Variants in ZDHHC23 observed in about 807,000 individuals in gnomAD.
ZDHHC23 encodes the protein palmitoyltransferase ZDHHC23.
A neutral mutation model predicts 40.2 loss-of-function variants in ZDHHC23; 41 were observed. The observed-to-expected ratio is 1.02, with a 90% confidence interval of 0.79 to 1.32. The LOEUF (loss-of-function observed/expected upper bound fraction) is 1.32, where lower values mean the gene tolerates loss of function less well. Among genes scored for constraint, ZDHHC23 ranks in the 40% most tolerant of loss-of-function variants. The pLI is 0.00. For synonymous variants in ZDHHC23, 204 were observed against 210.2 expected (o/e 0.97, Z 0.26); for missense variants, 471 against 541.5 (o/e 0.87, Z 1.29).
chr3:113,950,205 A>T (rs1938532153), intron 2 of ZDHHC23, among the ~76,000 whole-genome samples: 1 of 152,220 alleles, frequency 6.6e-6, no homozygotes, highest in South Asian at 2.1e-4. Flanking sequence ...TACCTTTAAA[A>T]ATTGTCTAAA....
chr3:113,948,995 C>T, intron 2 of ZDHHC23, 32 bp downstream of exon 2: 1 of 1,612,436 alleles, frequency 6.2e-7, no homozygotes, highest in Non-Finnish European at 8.5e-7. Flanking sequence ...ACGCTGGCCC[C>T]ATCACCCTTC....
rs1939825086 is a variant in ZDHHC23 at position 113,963,352 on chromosome 3, A to T, written c.*4722A>T. 6.6e-6 allele frequency: 1 copy of T among 152,158 alleles called. No individual in the cohort carries two copies. Among genetic ancestry groups the T allele is most frequent in the Non-Finnish European group, 1.5e-5 (1 of 68,042 alleles). The allele number at this position is 152,158 out of a possible 1,614,324, so 9.4% of individuals were successfully genotyped here. On this transcript the variant is annotated 3_prime_UTR_variant, in exon 5 of 5. Transcript: ENST00000638807. ...TTGATGTTTGAGGTGAGGCAAAAAT[A>T]AAGCTAAGGTAGAAAACTTAAGCTT...
At chr3:113,953,192 TCATACA>T (rs1938849710) in intron 2 of ZDHHC23, among the ~76,000 whole-genome samples, 1 of 152,138 alleles carries the variant, frequency 6.6e-6, no homozygotes, top group Non-Finnish European at 1.5e-5. Context: ...CCCTCTCTAT[TCATACA>T]CATGCTAGCT....
intron 2 of ZDHHC23, among the ~76,000 whole-genome samples, chr3:113,949,998 G>A (rs1028088054): frequency 1.6e-4 from 24 of 152,238 alleles, no homozygotes; most frequent in African/African-American, 5.5e-4. Context: ...GAGAAATGAT[G>A]CTGTTTCCAT....
rs928410261 is a variant in ZDHHC23, at chr3:113,958,403, A to G, written c.1081A>G (p.Ile361Val). 6.2e-7 allele frequency: 1 copy of G among 1,614,194 alleles called. No individual in the cohort carries two copies. The highest frequency in any genetic ancestry group is 8.5e-7 in the Non-Finnish European group (1 of 1,180,020). The change falls in exon 5 of 5, where the codon ATC becomes GTC. Residue 361 changes from isoleucine (I) to valine (V), a missense_variant. By Grantham distance (29) the Ile-to-Val change is conservative. This residue lies in a region of ZDHHC23 where 346 missense variants were observed against 399.8 expected (regional missense o/e 0.87). Transcript: ENST00000638807. ...CACCTGCGTGTGGTACTCTGTGATC[A>G]TCACAGCAGGCATGGCCTACATCTT... The part of the protein sequence containing the change: ...SFTCVWYSVI[I>V]TAGMAYIFLI...
chr3:113,959,918 A>G lies in ZDHHC23; in HGVS notation c.*1288A>G. 1 of 999,320 alleles carries G rather than the reference A, an allele frequency of 1.0e-6. No individual in the cohort carries two copies. The highest frequency in any genetic ancestry group is 4.4e-5 in the South Asian group (1 of 22,960). 61.9% of individuals were successfully genotyped at this position (999,320 alleles called of 1,614,324 possible). ...AATCATATCTTAAAACCGAAAATGT[A>G]TAAAAGATTAAATATTTATGTACAA... On this transcript the variant is annotated 3_prime_UTR_variant, in exon 5 of 5. Coordinates refer to ENST00000638807, the MANE Select transcript of ZDHHC23 (RefSeq NM_001320466.2).
downstream of ZDHHC23, chr3:113,965,222 C>T (rs1411163741): frequency 6.2e-7 from 1 of 1,612,184 alleles, no homozygotes; most frequent in Non-Finnish European, 8.5e-7. Flanking sequence ...CTCGTGGTAC[C>T]TTCCAGGTAC....
chr3:113,949,065 T>A, intron 2 of ZDHHC23, 102 bp downstream of exon 2: 1 of 1,471,420 alleles, frequency 6.8e-7, no homozygotes. Context: ...TTGCTCTTGA[T>A]TCTATTTCCA....
downstream of ZDHHC23, among the ~76,000 whole-genome samples, chr3:113,966,602 G>GGT (rs1447367705): frequency 7.2e-5 from 11 of 152,062 alleles, no homozygotes; most frequent in East Asian, 1.9e-3. Context: ...AGCATGCCGT[G>GGT]GTGTGTGTGT....
At chr3:113,971,541 G>T in the ZDHHC23 span, among the ~76,000 whole-genome samples, 2 of 152,152 alleles carry the variant, frequency 1.3e-5, no homozygotes, top group East Asian at 1.9e-4. Context: ...CTTGATCATG[G>T]TGAATGTTCT....
chr3:113,954,685 CCTTT>C lies in ZDHHC23; in HGVS notation c.872+278_872+281del, dbSNP rs1426376338. Among the ~76,000 whole-genome samples the C allele has an allele frequency of 6.0e-5, 9 of 151,230 alleles. No homozygotes were observed. In the East Asian group the frequency reaches 1.7e-3, roughly 29 times the overall value. Reference sequence around the variant, plus strand: ...TTGAATGACTCCTCATTTATCTTTTCCTTTCTAATAGAGAAATATCTACAGTTGA... The same window carrying C: ...TTGAATGACTCCTCATTTATCTTTTCCTAATAGAGAAATATCTACAGTTGA... On this transcript the variant is annotated intron_variant, in intron 3 of 4. Coordinates refer to ENST00000638807, the MANE Select transcript of ZDHHC23 (RefSeq NM_001320466.2).
At position 113,958,932 on chromosome 3, in the gene ZDHHC23, A is replaced by C. The variant is rs1002750420; in HGVS notation, c.*302A>C. Reference sequence around the variant, plus strand: ...AAATTGATAGAAGCAATTCCCATCCATTAGTATGGAGGAAAGAGTGTTGGA... The same window carrying C: ...AAATTGATAGAAGCAATTCCCATCCCTTAGTATGGAGGAAAGAGTGTTGGA... On this transcript the variant is annotated 3_prime_UTR_variant, in exon 5 of 5. Coordinates refer to ENST00000638807, the MANE Select transcript of ZDHHC23 (RefSeq NM_001320466.2). 18 of 1,223,176 alleles carry C rather than the reference A, an allele frequency of 1.5e-5. No individual in the cohort carries two copies. Among genetic ancestry groups the C allele is most frequent in the Non-Finnish European group, 1.0e-6 (1 of 961,240 alleles). 75.8% of individuals were successfully genotyped at this position (1,223,176 alleles called of 1,614,324 possible).
At chr3:113,954,791 C>G (rs1382817047) in intron 3 of ZDHHC23, among the ~76,000 whole-genome samples, 1 of 152,116 alleles carries the variant, frequency 6.6e-6, no homozygotes, top group Non-Finnish European at 1.5e-5. Flanking sequence ...AAACATAAAG[C>G]TCAAGAAAGT....
Position 113,960,236 on chromosome 3 carries a change from T to G in ZDHHC23, c.*1606T>G, listed in dbSNP as rs372895314. On this transcript the variant is annotated 3_prime_UTR_variant, in exon 5 of 5. Transcript: ENST00000638807. ...CCCTACTGTTGCCATTAATTGGAGC[T>G]GTCCTTAAGATGGTCACCATATTCT... The G allele has an allele frequency of 1.4e-5, 14 of 998,326 alleles. No homozygotes were observed. In the African/African-American group the frequency reaches 2.4e-4, roughly 17 times the overall value. 61.8% of individuals were successfully genotyped at this position (998,326 alleles called of 1,614,324 possible).
At chr3:113,951,692 A>G (rs932145110) in intron 2 of ZDHHC23, among the ~76,000 whole-genome samples, 4 of 152,134 alleles carry the variant, frequency 2.6e-5, no homozygotes, top group Admixed American at 2.6e-4. Flanking sequence ...CATTGTCTTG[A>G]TGACTGGCAC....
At chr3:113,953,605 T>TAA in intron 2 of ZDHHC23, 95 bp from the exon 3 acceptor site, 3 of 1,106,738 alleles carry the variant, frequency 2.7e-6, no homozygotes, top group Non-Finnish European at 3.8e-6. Flanking sequence ...TGGTAGCTTT[T>TAA]ATCGTTTATC....
Position 113,953,922 on chromosome 3 carries a change from C to T in ZDHHC23, c.384C>T (p.Tyr128=). Residue 128 remains tyrosine, a synonymous_variant, in exon 3 of 5, where the codon TAC becomes TAT. Coordinates refer to ENST00000638807, the MANE Select transcript of ZDHHC23 (RefSeq NM_001320466.2). ...TTCCTGTGCTGGCACTGTGGTACTA[C>T]TACCTCACTCACAGAAGGAAAGAAC... is the stretch of plus-strand genomic sequence containing the variant. ...TSLPVLALWY[Y]YLTHRRKEQT... is the part of the protein sequence containing the mutation. 6.2e-7 allele frequency: 1 copy of T among 1,614,144 alleles called. No individual in the cohort carries two copies. The highest frequency in any genetic ancestry group is 1.1e-5 in the South Asian group (1 of 91,086).
At chr3:113,970,307 T>C (rs990745213), downstream of ZDHHC23, among the ~76,000 whole-genome samples, 4 of 152,116 alleles carry the variant, frequency 2.6e-5, no homozygotes, top group African/African-American at 9.7e-5. Context: ...ACAAGGCTAA[T>C]TTAGCTTCTT....
chr3:113,978,220 C>T, the ZDHHC23 span: 1 of 1,614,006 alleles, frequency 6.2e-7, no homozygotes. Flanking sequence ...TCATGCTTGC[C>T]CTGAGAATCG....
Sources: allele counts gnomAD v4.1 joint callset (sites outside exome capture counted in the v4.1 genomes callset), GRCh38; gene constraint gnomAD v4.1.1; regional missense constraint gnomAD v4.1.1; transcripts MANE v1.5; gene names NCBI Gene and HGNC (gene_info 2026-07-23, HGNC 2026-07-21).